Variants in TMEM132B observed in about 807,000 individuals in gnomAD.
TMEM132B encodes the protein transmembrane protein 132B.
In TMEM132B, 18 loss-of-function variants were observed where a neutral mutation model predicts 90.8. That is an observed-to-expected ratio of 0.20 (90% CI 0.14 to 0.29). TMEM132B has a LOEUF of 0.29. Ranked by LOEUF, TMEM132B falls within the 10% of genes least tolerant of loss-of-function variation. The pLI is 1.00. For missense variants in TMEM132B, 1,096 were observed against 1,326.8 expected (o/e 0.83, Z 2.70); for synonymous variants, 504 against 523.3 (o/e 0.96, Z 0.50).
intron 5 of TMEM132B, among the ~76,000 whole-genome samples, chr12:125,612,564 T>A (rs902141927): frequency 6.9e-6 from 1 of 145,846 alleles, no homozygotes. Context: ...TATATATATA[T>A]AATATATATA....
At chr12:125,456,052 AT>A (rs1329550736) in intron 3 of TMEM132B, among the ~76,000 whole-genome samples, 1 of 152,196 alleles carries the variant, frequency 6.6e-6, no homozygotes, top group African/African-American at 2.4e-5. Context: ...GTTTAATAAC[AT>A]TTTAGTTACA....
At chr12:125,578,759 G>A (rs1369990266) in intron 4 of TMEM132B, among the ~76,000 whole-genome samples, 1 of 152,170 alleles carries the variant, frequency 6.6e-6, no homozygotes, top group Non-Finnish European at 1.5e-5. Flanking sequence ...CACATTGAAT[G>A]TGTCATCCTT....
At chr12:125,639,228 A>G (rs2137016016) in intron 5 of TMEM132B, among the ~76,000 whole-genome samples, 1 of 152,356 alleles carries the variant, frequency 6.6e-6, no homozygotes, top group Admixed American at 6.5e-5. Context: ...TTAAAAGGCC[A>G]ATTGACCACT....
At chr12:125,317,270 G>A (rs1876307828) in intron 1 of TMEM132B, among the ~76,000 whole-genome samples, 2 of 152,162 alleles carry the variant, frequency 1.3e-5, no homozygotes, top group Admixed American at 1.3e-4. Context: ...GGAAGCACCT[G>A]GCCTGGAGTG....
At chr12:125,205,211 G>A (rs114506658) in intron 1 of TMEM132B, among the ~76,000 whole-genome samples, 1 of 152,022 alleles carries the variant, frequency 6.6e-6, no homozygotes, top group African/African-American at 2.4e-5. Flanking sequence ...AGTATCTCAT[G>A]AGTCCTTTCA....
chr12:125,381,844 G>C (rs1252788961), intron 2 of TMEM132B, among the ~76,000 whole-genome samples: 2 of 152,216 alleles, frequency 1.3e-5, no homozygotes, highest in Non-Finnish European at 2.9e-5. Flanking sequence ...TACTGGGGAA[G>C]ATATTCTATG....
In TMEM132B at chr12:125,349,331, C is replaced by T; in HGVS notation, c.68-121C>T. Reference sequence around the variant, plus strand: ...TTACAGGGCTTTCACTGTGATGAGACCTGGGGGAGAAACAGTGGCCAGTGG... The same window carrying T: ...TTACAGGGCTTTCACTGTGATGAGATCTGGGGGAGAAACAGTGGCCAGTGG... On this transcript the variant is annotated intron_variant, in intron 1 of 8. Coordinates refer to ENST00000682704, the MANE Select transcript of TMEM132B (RefSeq NM_001366854.1). The surrounding 1 kb of genome is among the most constrained non-coding windows in gnomAD (Gnocchi z 4.1). 9.2e-7 allele frequency: 1 copy of T among 1,081,166 alleles called. No individual in the cohort carries two copies. Among genetic ancestry groups the T allele is most frequent in the Non-Finnish European group, 1.3e-6 (1 of 752,084 alleles). 67.0% of individuals were successfully genotyped at this position (1,081,166 alleles called of 1,614,324 possible).
intron 1 of TMEM132B, among the ~76,000 whole-genome samples, chr12:125,189,527 T>TGG (rs58898103): frequency 0.012 from 1,776 of 151,484 alleles, 16 homozygotes; most frequent in East Asian, 0.032. Context: ...ACAATAGTGA[T>TGG]GGGGGGGGTG....
At chr12:125,469,643 C>T (rs886792283) in intron 3 of TMEM132B, among the ~76,000 whole-genome samples, 2 of 152,128 alleles carry the variant, frequency 1.3e-5, no homozygotes, top group Non-Finnish European at 2.9e-5. Flanking sequence ...CACCCGGTTT[C>T]CAGCCCGGTG....
At chr12:125,405,062 C>T (rs1879427373) in intron 2 of TMEM132B, among the ~76,000 whole-genome samples, 1 of 152,148 alleles carries the variant, frequency 6.6e-6, no homozygotes, top group Non-Finnish European at 1.5e-5. Context: ...ACGAGATGGC[C>T]ACTGTGTTAG....
At chr12:125,257,033 G>A (rs888269416) in intron 1 of TMEM132B, among the ~76,000 whole-genome samples, 2 of 152,142 alleles carry the variant, frequency 1.3e-5, no homozygotes, top group South Asian at 4.1e-4. Context: ...GATGGTCAAG[G>A]CCAGCACGGT....
chr12:125,285,358 T>C (rs1875320522), intron 1 of TMEM132B, among the ~76,000 whole-genome samples: 2 of 152,114 alleles, frequency 1.3e-5, no homozygotes, highest in South Asian at 4.1e-4. Context: ...GGCAAAGACA[T>C]AGCTAAAGGA....
rs142555854 is a variant in TMEM132B at position 125,424,736 on chromosome 12, T to A, written c.1106+9059T>A. Among the ~76,000 whole-genome samples, 969 of 152,214 alleles carry A rather than the reference T, an allele frequency of 6.4e-3. 10 individuals are homozygous for A. The highest frequency in any genetic ancestry group is 0.021 in the African/African-American group (876 of 41,528). ...CGCTAGTTAAAGCAGTAAAGGCAGA[T>A]TTTATTCAGAGACTCTTCCTGCAAC... On this transcript the variant is annotated intron_variant, in intron 3 of 8. Coordinates refer to ENST00000682704, the MANE Select transcript of TMEM132B (RefSeq NM_001366854.1).
intron 1 of TMEM132B, among the ~76,000 whole-genome samples, chr12:125,218,638 C>T (rs1873491300): frequency 6.6e-6 from 1 of 152,138 alleles, no homozygotes; most frequent in South Asian, 2.1e-4. Context: ...GTGAACTGTT[C>T]CCATCAGCTC....
In TMEM132B at chr12:125,350,254, G is replaced by C; in HGVS notation, c.870G>C (p.Ser290=). 6.2e-7 allele frequency: 1 copy of C among 1,614,050 alleles called. No individual in the cohort carries two copies. Among genetic ancestry groups the C allele is most frequent in the Non-Finnish European group, 8.5e-7 (1 of 1,180,036 alleles). ...GCTTGGACGAGAATGTGGTCATCTCGGTACCTCTGAATCTAGTCCGGGAAG... is the reference window on the plus strand; with the variant it reads ...GCTTGGACGAGAATGTGGTCATCTCCGTACCTCTGAATCTAGTCCGGGAAG... ...LVSLDENVVI[S]VPLNLVREGD... Residue 290 remains serine (S), a synonymous_variant, in exon 2 of 9, where the codon TCG becomes TCC. Transcript: ENST00000682704.
intron 1 of TMEM132B, among the ~76,000 whole-genome samples, chr12:125,319,802 C>T (rs969308313): frequency 1.3e-5 from 2 of 152,154 alleles, no homozygotes; most frequent in African/African-American, 4.8e-5. Flanking sequence ...ATCAGTTGAG[C>T]CCAGGAGTTC....
At chr12:125,334,996 G>A (rs1876913449) in intron 1 of TMEM132B, among the ~76,000 whole-genome samples, 2 of 152,212 alleles carry the variant, frequency 1.3e-5, no homozygotes, top group African/African-American at 2.4e-5. Context: ...GTCCCTGCCC[G>A]CTGAGATCAC....
chr12:125,428,903 T>C (rs1421342090), intron 3 of TMEM132B, among the ~76,000 whole-genome samples: 1 of 152,182 alleles, frequency 6.6e-6, no homozygotes, highest in Non-Finnish European at 1.5e-5. Context: ...GGTAACCTGA[T>C]GGTGTTTGCA....
At chr12:125,369,458 C>T (rs1878228945) in intron 2 of TMEM132B, among the ~76,000 whole-genome samples, 1 of 152,120 alleles carries the variant, frequency 6.6e-6, no homozygotes, top group South Asian at 2.1e-4. Context: ...ATAATAATAA[C>T]TGAAGCCTTG....
Sources: allele counts gnomAD v4.1 joint callset (sites outside exome capture counted in the v4.1 genomes callset), GRCh38; gene constraint gnomAD v4.1.1; non-coding constraint Gnocchi (gnomAD v3.1); transcripts MANE v1.5; gene names NCBI Gene and HGNC (gene_info 2026-07-23, HGNC 2026-07-21).